Variants in CCDC148 observed in about 807,000 individuals in gnomAD.
CCDC148 encodes the protein coiled-coil domain-containing protein 148.
In CCDC148, 89 loss-of-function variants were observed where a neutral mutation model predicts 85.7. That is an observed-to-expected ratio of 1.04 (90% CI 0.87 to 1.24). CCDC148 has a LOEUF of 1.24. Among genes scored for constraint, CCDC148 ranks in the 50% most tolerant of loss-of-function variants. The pLI is 0.00. For synonymous variants in CCDC148, 230 were observed against 213.9 expected, an observed-to-expected ratio of 1.08 and a Z score of -0.66; for missense variants, 692 against 671.7, an observed-to-expected ratio of 1.03 and a Z score of -0.33.
intron 1 of CCDC148, among the ~76,000 whole-genome samples, chr2:158,369,601 T>A (rs1229036746): frequency 1.3e-5 from 2 of 152,164 alleles, no homozygotes; most frequent in African/African-American, 4.8e-5. Context: ...AGATATAGGA[T>A]CATGTCATCT....
At chr2:158,382,813 C>A (rs1167936482) in intron 1 of CCDC148, among the ~76,000 whole-genome samples, 1 of 150,216 alleles carries the variant, frequency 6.7e-6, no homozygotes, top group Non-Finnish European at 1.5e-5. Flanking sequence ...CCCAGCTACT[C>A]GGGAGGCTGA....
At chr2:158,195,081 C>T (rs1256130619) in intron 11 of CCDC148, among the ~76,000 whole-genome samples, 1 of 151,896 alleles carries the variant, frequency 6.6e-6, no homozygotes, top group Non-Finnish European at 1.5e-5. Flanking sequence ...CAGCTTCTAG[C>T]CATCAATGCC....
At chr2:158,378,786 C>T (rs979081713) in intron 1 of CCDC148, among the ~76,000 whole-genome samples, 8 of 152,056 alleles carry the variant, frequency 5.3e-5, no homozygotes, top group African/African-American at 1.9e-4. Flanking sequence ...TCTGTTTACA[C>T]CATGATTAAC....
intron 1 of CCDC148, among the ~76,000 whole-genome samples, chr2:158,413,603 C>CTTT (rs4028060): frequency 0.06 from 8,918 of 148,730 alleles, 377 homozygotes; most frequent in Admixed American, 0.1. Context: ...TTTCTCTTGC[C>CTTT]TTTTTTTTTT....
intron 2 of CCDC148, among the ~76,000 whole-genome samples, chr2:158,352,536 A>T (rs943455816): frequency 6.6e-6 from 1 of 151,988 alleles, no homozygotes; most frequent in Non-Finnish European, 1.5e-5. Context: ...AAAAAGAATA[A>T]AAAGAAATGA....
chr2:158,337,770 G>A (rs1682462106), intron 7 of CCDC148, among the ~76,000 whole-genome samples: 1 of 152,108 alleles, frequency 6.6e-6, no homozygotes, highest in African/African-American at 2.4e-5. Context: ...TTTGGATCAG[G>A]AAGCTACCAA....
In CCDC148 at chr2:158,233,627, T is replaced by C. The variant is rs1257266487; in HGVS notation, c.1252-12914A>G. Among the ~76,000 whole-genome samples, 12 of 152,076 alleles carry C rather than the reference T, an allele frequency of 7.9e-5. No individual in the cohort carries two copies. In the East Asian group the frequency reaches 2.3e-3, roughly 29 times the overall value. ...TCATATGAATCCAAAAACATCTGGA[T>C]AGGCAACTTTTCAAACAGTGAGCCA... On this transcript the variant is annotated intron_variant, in intron 10 of 13. Transcript: ENST00000283233.
At chr2:158,215,527 C>A (rs1309969925) in intron 11 of CCDC148, among the ~76,000 whole-genome samples, 1 of 151,712 alleles carries the variant, frequency 6.6e-6, no homozygotes, top group South Asian at 2.1e-4. Context: ...GAAGGAGGCA[C>A]CTTTTTCTTT....
intron 10 of CCDC148, among the ~76,000 whole-genome samples, chr2:158,228,373 G>A (rs1166973821): frequency 3.9e-5 from 6 of 152,134 alleles, no homozygotes; most frequent in Non-Finnish European, 8.8e-5. Flanking sequence ...CTGTAAACTA[G>A]TTCACCCATT....
At chr2:158,281,153 T>G (rs939646314) in intron 9 of CCDC148, among the ~76,000 whole-genome samples, 2 of 152,010 alleles carry the variant, frequency 1.3e-5, no homozygotes, top group Admixed American at 1.3e-4. Flanking sequence ...TTTATAGCAC[T>G]AAATGCCCAC....
intron 5 of CCDC148, among the ~76,000 whole-genome samples, chr2:158,339,611 G>A (rs1226492556): frequency 6.6e-6 from 1 of 152,152 alleles, no homozygotes; most frequent in Non-Finnish European, 1.5e-5. Flanking sequence ...AAAGGGTCAG[G>A]AGCAGGAAGG....
intron 1 of CCDC148, among the ~76,000 whole-genome samples, chr2:158,391,678 T>C (rs1280605073): frequency 6.6e-6 from 1 of 152,176 alleles, no homozygotes; most frequent in African/African-American, 2.4e-5. Flanking sequence ...GGTGAAATTT[T>C]TGTTGCAATA....
intron 9 of CCDC148, among the ~76,000 whole-genome samples, chr2:158,268,020 C>T (rs1322382871): frequency 1.3e-5 from 2 of 152,096 alleles, no homozygotes; most frequent in African/African-American, 4.8e-5. Flanking sequence ...GGGTTGTTTC[C>T]AGTTTTTGAT....
intron 7 of CCDC148, among the ~76,000 whole-genome samples, chr2:158,317,512 C>A (rs1431049322): frequency 6.6e-6 from 1 of 152,126 alleles, no homozygotes; most frequent in Non-Finnish European, 1.5e-5. Flanking sequence ...CAGAAAACAA[C>A]AACAGAGCTG....
chr2:158,441,210 C>T (rs1033910322), intron 1 of CCDC148, among the ~76,000 whole-genome samples: 6 of 152,110 alleles, frequency 3.9e-5, no homozygotes, highest in African/African-American at 1.4e-4. Flanking sequence ...GTGGATCACG[C>T]TACAGTCCCA....
At chr2:158,197,354 T>C (rs1040653075) in intron 11 of CCDC148, among the ~76,000 whole-genome samples, 4 of 152,070 alleles carry the variant, frequency 2.6e-5, no homozygotes, top group Non-Finnish European at 5.9e-5. Context: ...CTCAAAAATA[T>C]AGTCAATGGA....
At chr2:158,211,263 A>G (rs529780334) in intron 11 of CCDC148, among the ~76,000 whole-genome samples, 1 of 152,300 alleles carries the variant, frequency 6.6e-6, no homozygotes, top group Non-Finnish European at 1.5e-5. Context: ...ATGTACCAAA[A>G]TAAAAGTCTG....
chr2:158,310,318 A>G (rs1328000497), intron 8 of CCDC148, among the ~76,000 whole-genome samples: 1 of 152,162 alleles, frequency 6.6e-6, no homozygotes, highest in Non-Finnish European at 1.5e-5. Flanking sequence ...TCCTATGTCT[A>G]CTTCTTTCTA....
intron 9 of CCDC148, among the ~76,000 whole-genome samples, chr2:158,289,606 C>T (rs879678372): frequency 1.3e-5 from 2 of 152,108 alleles, no homozygotes; most frequent in African/African-American, 2.4e-5. Context: ...GGATGTGGAA[C>T]AACAGGATCT....
Sources: gnomAD v4.1 joint callset for allele counts (sites outside exome capture counted in the v4.1 genomes callset) on GRCh38, gnomAD v4.1.1 for gene constraint, MANE v1.5 for transcripts, NCBI Gene and HGNC (gene_info 2026-07-23, HGNC 2026-07-21) for gene names.